The following NELL1 variants were observed in gnomAD, a reference collection of about 807,000 sequenced individuals.
The protein encoded by NELL1 is neural EGFL like 1.
Under a neutral mutation model 107.4 loss-of-function variants are expected in NELL1, and 76 were observed. The ratio of observed to expected loss-of-function variants is 0.71; its 90% confidence interval spans 0.59 to 0.86. The LOEUF is 0.86. Among genes scored for constraint, NELL1 ranks in the 40% least tolerant of loss-of-function variants. NELL1 has a pLI of 0.00. For missense variants in NELL1, 1,024 were observed against 1,005.5 expected, an observed-to-expected ratio of 1.02 and a Z score of -0.25; for synonymous variants, 353 against 341.2, an observed-to-expected ratio of 1.03 and a Z score of -0.38.
intron 15 of NELL1, among the ~76,000 whole-genome samples, chr11:21,443,957 A>G (rs964352665): frequency 2.0e-5 from 3 of 152,168 alleles, no homozygotes; most frequent in Admixed American, 6.5e-5. Context: ...ATTACATTAT[A>G]AGAAGGAAAA....
chr11:21,008,435 T>C (rs1852375914), intron 12 of NELL1, among the ~76,000 whole-genome samples: 1 of 152,162 alleles, frequency 6.6e-6, no homozygotes, highest in Non-Finnish European at 1.5e-5. Context: ...CATTTTTTCT[T>C]AATGTCTGAA....
At chr11:21,315,736 A>G (rs1384950526) in intron 14 of NELL1, among the ~76,000 whole-genome samples, 1 of 152,122 alleles carries the variant, frequency 6.6e-6, no homozygotes, top group African/African-American at 2.4e-5. Flanking sequence ...TCAAACTAGG[A>G]TATAATCAAC....
chr11:20,860,095 A>G lies in NELL1; in HGVS notation c.506+12342A>G, dbSNP rs144905954. On this transcript the variant is annotated intron_variant, in intron 4 of 19. Coordinates refer to ENST00000357134, the MANE Select transcript of NELL1 (RefSeq NM_006157.5). ...TGATTTTGAGTTCTTTAGAGGTATC[A>G]TATTCACTTAAGCCACAGAACCTCT... 2.5e-3 allele frequency among the ~76,000 whole-genome samples: 383 copies of G among 152,298 alleles called. 3 individuals are homozygous for G. Among genetic ancestry groups the G allele is most frequent in the Non-Finnish European group, 4.7e-3 (321 of 68,024 alleles).
Position 20,669,816 on chromosome 11 carries a change from T to G in NELL1, c.55+38T>G. Reference sequence around the variant, plus strand: ...GTGGCGGTTAGAGGGATCCGGGAAATGGGGGTGCCCACAGACCACGGCGGC... The same window carrying G: ...GTGGCGGTTAGAGGGATCCGGGAAAGGGGGGTGCCCACAGACCACGGCGGC... On this transcript the variant is annotated intron_variant, in intron 1 of 19. Transcript: ENST00000357134. The surrounding 1 kb of genome is among the most constrained non-coding windows in gnomAD (Gnocchi z 4.4). 1 of 1,577,742 alleles carries G rather than the reference T, an allele frequency of 6.3e-7. No homozygotes were observed. Among genetic ancestry groups the G allele is most frequent in the African/African-American group, 1.3e-5 (1 of 74,156 alleles).
intron 5 of NELL1, among the ~76,000 whole-genome samples, chr11:20,899,186 A>G (rs988841881): frequency 3.3e-5 from 5 of 152,138 alleles, no homozygotes; most frequent in African/African-American, 1.2e-4. Context: ...TCTACCAACA[A>G]TGAACACATC....
At chr11:20,939,798 G>T (rs10833414) in intron 10 of NELL1, among the ~76,000 whole-genome samples, 4 of 152,010 alleles carry the variant, frequency 2.6e-5, no homozygotes, top group South Asian at 2.1e-4. Flanking sequence ...GGAACATTCA[G>T]GAGGAGGAAC....
chr11:20,693,062 A>T (rs1388964793), intron 2 of NELL1, among the ~76,000 whole-genome samples: 2 of 151,218 alleles, frequency 1.3e-5, no homozygotes, highest in Admixed American at 1.3e-4. Context: ...GTCTCTTTTG[A>T]TCTTTGTTGG....
At position 21,097,630 on chromosome 11, in the gene NELL1, A is replaced by C. The variant is rs575301355; in HGVS notation, c.1301-15959A>C. Among the ~76,000 whole-genome samples the C allele has an allele frequency of 2.0e-5, 3 of 152,266 alleles. No homozygotes were observed. The East Asian group carries it at 5.8e-4, about 30-fold the overall frequency. ...CCGAGGGAACAGATGTGAGTTATTGATTAGAGCTGACGGGAAGCAGGGTAG... is the reference window on the plus strand; with the variant it reads ...CCGAGGGAACAGATGTGAGTTATTGCTTAGAGCTGACGGGAAGCAGGGTAG... On this transcript the variant is annotated intron_variant, in intron 12 of 19. Coordinates refer to ENST00000357134, the MANE Select transcript of NELL1 (RefSeq NM_006157.5).
At chr11:21,364,410 C>CAAAAAAA (rs71034511) in intron 14 of NELL1, among the ~76,000 whole-genome samples, 2 of 75,616 alleles carry the variant, frequency 2.6e-5, no homozygotes, top group Admixed American at 1.8e-4. Flanking sequence ...GACTCTGTCT[C>CAAAAAAA]AAAAAAAAAA....
Position 20,714,193 on chromosome 11 carries a change from G to A in NELL1, c.184+36133G>A, listed in dbSNP as rs549439314. ...CCTGTCTCCTATCTGCTATCTCCCC[G>A]ATTTTTTTTTTTTTTTTTTTTTTTT... On this transcript the variant is annotated intron_variant, in intron 2 of 19. Coordinates refer to ENST00000357134, the MANE Select transcript of NELL1 (RefSeq NM_006157.5). Among the ~76,000 whole-genome samples the A allele has an allele frequency of 1.7e-4, 12 of 69,106 alleles. No individual in the cohort carries two copies. In the South Asian group the frequency reaches 5.1e-3, roughly 29 times the overall value. The allele number at this position is 69,106 out of a possible 152,430, so 45.3% of individuals were successfully genotyped here.
At chr11:20,809,094 A>G (rs966118054) in intron 3 of NELL1, among the ~76,000 whole-genome samples, 1 of 152,174 alleles carries the variant, frequency 6.6e-6, no homozygotes, top group Non-Finnish European at 1.5e-5. Flanking sequence ...CTCCTCCTGA[A>G]GAATTTGAAA....
At chr11:21,033,647 G>A (rs1853017144) in intron 12 of NELL1, among the ~76,000 whole-genome samples, 2 of 151,954 alleles carry the variant, frequency 1.3e-5, no homozygotes, top group South Asian at 4.2e-4. Flanking sequence ...CCATCGATGG[G>A]CATTTTGGTT....
intron 13 of NELL1, among the ~76,000 whole-genome samples, chr11:21,190,570 A>C (rs1219669005): frequency 6.6e-6 from 1 of 151,714 alleles, no homozygotes; most frequent in Non-Finnish European, 1.5e-5. Flanking sequence ...AATCCTTGAG[A>C]ATTTCCTAGC....
At chr11:20,915,717 A>ATATATATATATATATATATATATAT in intron 5 of NELL1, among the ~76,000 whole-genome samples, 6 of 58,218 alleles carry the variant, frequency 1.0e-4, no homozygotes, top group African/African-American at 2.6e-4. Context: ...ATATATATAT[A>ATATATATATATATATATATATATAT]TTTTTTTTTT....
chr11:21,332,487 T>C (rs1020862359), intron 14 of NELL1, among the ~76,000 whole-genome samples: 8 of 152,010 alleles, frequency 5.3e-5, no homozygotes, highest in African/African-American at 1.7e-4. Context: ...CTTCTATGTG[T>C]CATTATATCC....
rs4420262 is a variant in NELL1, at chr11:21,472,137, T to A, written c.1646-62237T>A. On this transcript the variant is annotated intron_variant, in intron 15 of 19. Transcript: ENST00000357134. ...GCTCCCAGAAGAAAGACACAAGATT[T>A]GCTTTCTGTTTTGTTTTGTTTGTTT... Among the ~76,000 whole-genome samples, 4 of 152,042 alleles carry A rather than the reference T, an allele frequency of 2.6e-5. No homozygotes were observed. In the East Asian group the frequency reaches 7.7e-4, roughly 29 times the overall value.
intron 14 of NELL1, among the ~76,000 whole-genome samples, chr11:21,356,244 G>T (rs1850930779): frequency 6.6e-6 from 1 of 152,044 alleles, no homozygotes; most frequent in Non-Finnish European, 1.5e-5. Flanking sequence ...TATCTGTTCT[G>T]TTAACTACTT....
At chr11:21,021,963 G>A (rs1852711858) in intron 12 of NELL1, among the ~76,000 whole-genome samples, 1 of 151,958 alleles carries the variant, frequency 6.6e-6, no homozygotes, top group African/African-American at 2.4e-5. Context: ...TGTTGTAGGG[G>A]CTTGTCCTGT....
chr11:20,734,988 T>C (rs1855728737), intron 2 of NELL1, among the ~76,000 whole-genome samples: 1 of 152,056 alleles, frequency 6.6e-6, no homozygotes, highest in African/African-American at 2.4e-5. Flanking sequence ...ATTCTGGTGG[T>C]AACTGAAATT....
Sources: gnomAD v4.1 joint callset for allele counts (sites outside exome capture counted in the v4.1 genomes callset) on GRCh38, gnomAD v4.1.1 for gene constraint, Gnocchi (gnomAD v3.1) non-coding constraint, MANE v1.5 for transcripts, NCBI Gene and HGNC (gene_info 2026-07-23, HGNC 2026-07-21) for gene names.